FLRT1: variants seen among roughly 807,000 people sequenced by gnomAD.
The protein encoded by FLRT1 is fibronectin leucine rich transmembrane protein 1, also known as leucine-rich repeat transmembrane protein FLRT1.
A neutral mutation model predicts 30.9 loss-of-function variants in FLRT1; 14 were observed. The ratio of observed to expected loss-of-function variants is 0.45; its 90% CI spans 0.30 to 0.71. The LOEUF is 0.71. Among genes scored for constraint, FLRT1 ranks in the 30% least tolerant of loss-of-function variants. The pLI is 0.08. For missense variants in FLRT1, 737 were observed against 949.2 expected, an observed-to-expected ratio of 0.78 and a Z score of 2.94; for synonymous variants, 368 against 430.4, an observed-to-expected ratio of 0.85 and a Z score of 1.80.
chr11:64,090,938 G>A lies in FLRT1; in HGVS notation c.-1037-12256G>A, dbSNP rs1944478838. On this transcript the variant is annotated intron_variant, in intron 1 of 2. Coordinates refer to ENST00000682287, the MANE Select transcript of FLRT1 (RefSeq NM_013280.5). This position sits in a 1 kb window ranked among gnomAD's most constrained non-coding sequence, Gnocchi z 4.7. Reference sequence around the variant, plus strand: ...TCACAGTTTGGTCTGCCCTGTAGGGGGCACTGGCAGAATCTGCAGCACTGA... The same window carrying A: ...TCACAGTTTGGTCTGCCCTGTAGGGAGCACTGGCAGAATCTGCAGCACTGA... Among the ~76,000 whole-genome samples, 1 of 151,950 alleles carries A rather than the reference G, an allele frequency of 6.6e-6. No individual in the cohort carries two copies. Among genetic ancestry groups the A allele is most frequent in the African/African-American group, 2.4e-5 (1 of 41,332 alleles).
rs1410606909 is a variant in FLRT1, at chr11:64,096,101, C to T, written c.-1037-7093C>T. On this transcript the variant is annotated intron_variant, in intron 1 of 2. Transcript: ENST00000682287. This position sits in a 1 kb window ranked among gnomAD's most constrained non-coding sequence, Gnocchi z 4.6. ...TGGGGCCCACTTCACAGCCAGGCTGCCAGGAGACGCTGTGAGAGTGCCCAG... is the reference window on the plus strand; with the variant it reads ...TGGGGCCCACTTCACAGCCAGGCTGTCAGGAGACGCTGTGAGAGTGCCCAG... Among the ~76,000 whole-genome samples the T allele has an allele frequency of 1.3e-5, 2 of 152,244 alleles. No individual in the cohort carries two copies. Among genetic ancestry groups the T allele is most frequent in the Admixed American group, 6.5e-5 (1 of 15,288 alleles).
In FLRT1 at chr11:64,117,626, C is replaced by T; in HGVS notation, c.1359C>T (p.Ile453=). Residue 453 remains isoleucine (I), a synonymous_variant, in exon 3 of 3, where the codon ATC becomes ATT. Transcript: ENST00000682287. ...CCCTGACGGCAGACTCCATCCGCAT[C>T]ACGTGGAAGGCCACGCTCCCCGCCT... ...VKALTADSIR[I]TWKATLPASS... The T allele has an allele frequency of 6.2e-7, 1 of 1,613,812 alleles. No homozygotes were observed. The highest frequency in any genetic ancestry group is 8.5e-7 in the Non-Finnish European group (1 of 1,180,028).
intron 1 of FLRT1, among the ~76,000 whole-genome samples, chr11:64,098,905 C>T (rs973179174): frequency 6.6e-6 from 1 of 152,224 alleles, no homozygotes; most frequent in Non-Finnish European, 1.5e-5. Context: ...ACATAAAAAT[C>T]CATCCCAAAG....
At chr11:64,114,009 T>G (rs540418958) in intron 2 of FLRT1, among the ~76,000 whole-genome samples, 5 of 136,828 alleles carry the variant, frequency 3.7e-5, no homozygotes, top group African/African-American at 1.3e-4. Context: ...GACAGGTGGA[T>G]GCATGGATGG....
chr11:64,086,382 AC>A (rs1366897996), intron 1 of FLRT1, among the ~76,000 whole-genome samples: 1 of 151,566 alleles, frequency 6.6e-6, no homozygotes, highest in East Asian at 1.9e-4. Flanking sequence ...CCTTGTGACT[AC>A]CCCCGAGCTC....
intron 1 of FLRT1, among the ~76,000 whole-genome samples, chr11:64,094,531 G>T (rs563752657): frequency 0.014 from 2,151 of 152,294 alleles, 44 homozygotes; most frequent in Non-Finnish European, 0.016. Context: ...AGTTAGAAAT[G>T]AATGGCAGGC....
chr11:64,065,529 C>T (rs1324344143), intron 1 of FLRT1, among the ~76,000 whole-genome samples: 2 of 152,144 alleles, frequency 1.3e-5, no homozygotes, highest in Non-Finnish European at 2.9e-5. Flanking sequence ...GTGGCTCATG[C>T]CTGTAATCCC....
rs1229119212 is a variant in FLRT1, at chr11:64,090,790, T to C, written c.-1037-12404T>C. 6.6e-6 allele frequency among the ~76,000 whole-genome samples: 1 copy of C among 151,864 alleles called. No homozygotes were observed. The highest frequency in any genetic ancestry group is 1.5e-5 in the Non-Finnish European group (1 of 67,966). The stretch of plus-strand genomic sequence containing the variant: ...GTGGCGGCGTCTCTCCACCAGGCAC[T>C]TGGGGTTTGTCTCTGGGGCTCTGCA... On this transcript the variant is annotated intron_variant, in intron 1 of 2. Coordinates refer to ENST00000682287, the MANE Select transcript of FLRT1 (RefSeq NM_013280.5). This position sits in a 1 kb window ranked among gnomAD's most constrained non-coding sequence, Gnocchi z 4.7.
At chr11:64,070,593 G>A (rs1367841895) in intron 1 of FLRT1, among the ~76,000 whole-genome samples, 2 of 152,140 alleles carry the variant, frequency 1.3e-5, no homozygotes, top group Non-Finnish European at 2.9e-5. Flanking sequence ...CCTCTCCCCC[G>A]GAGGGGCCCC....
intron 1 of FLRT1, among the ~76,000 whole-genome samples, chr11:64,038,903 G>A (rs542341196): frequency 6.6e-6 from 1 of 152,294 alleles, no homozygotes; most frequent in South Asian, 2.1e-4. Context: ...GTAGGGTGGG[G>A]TAACAGCAGT....
chr11:64,113,823 CATGGATGG>C (rs138768566), intron 2 of FLRT1, among the ~76,000 whole-genome samples: 17 of 113,876 alleles, frequency 1.5e-4, no homozygotes, highest in African/African-American at 1.7e-4. Context: ...CAGGTGGACG[CATGGATGG>C]ATGGATGGAT....
chr11:64,061,021 A>G (rs1230560145), intron 1 of FLRT1, among the ~76,000 whole-genome samples: 2 of 151,876 alleles, frequency 1.3e-5, no homozygotes, highest in African/African-American at 4.8e-5. Flanking sequence ...GGCATCCTCA[A>G]CCGCGGCCTC....
chr11:64,114,157 T>TGGAC (rs1944922597), intron 2 of FLRT1, among the ~76,000 whole-genome samples: 1 of 147,294 alleles, frequency 6.8e-6, no homozygotes, highest in African/African-American at 2.5e-5. Flanking sequence ...AATGAACAAG[T>TGGAC]GGATGGATGC....
At position 64,117,978 on chromosome 11, in the gene FLRT1, G is replaced by A; in HGVS notation, c.1711G>A (p.Gly571Arg). 1 of 1,613,814 alleles carries A rather than the reference G, an allele frequency of 6.2e-7. No individual in the cohort carries two copies. Residue 571 changes from glycine (G) to arginine (R), a missense_variant, in exon 3 of 3, where the codon GGG (glycine) becomes AGG (arginine). By Grantham distance (125) the Gly-to-Arg change is moderately radical. Coordinates refer to ENST00000682287, the MANE Select transcript of FLRT1 (RefSeq NM_013280.5). ...VALVFLFLVL[G>R]AICWYVHQAG... is the part of the protein sequence containing the mutation. ...TCTGGTCTTCCTCTTCCTGGTCCTG[G>A]GGGCCATCTGCTGGTACGTGCACCA...
At chr11:64,078,443 A>C (rs1406586154) in intron 1 of FLRT1, among the ~76,000 whole-genome samples, 1 of 152,166 alleles carries the variant, frequency 6.6e-6, no homozygotes, top group Non-Finnish European at 1.5e-5. Flanking sequence ...GCCTCAATCC[A>C]ATTACGCCAG....
intron 1 of FLRT1, among the ~76,000 whole-genome samples, chr11:64,078,787 G>C (rs928848582): frequency 7.2e-5 from 11 of 152,210 alleles, no homozygotes; most frequent in Admixed American, 1.3e-4. Context: ...GTGACTGCAG[G>C]GGGGGAGGCC....
chr11:64,045,987 T>C (rs565912872), intron 1 of FLRT1, among the ~76,000 whole-genome samples: 1 of 152,212 alleles, frequency 6.6e-6, no homozygotes, highest in Non-Finnish European at 1.5e-5. Context: ...TGCAGTGTGC[T>C]AAACATGTCA....
intron 1 of FLRT1, among the ~76,000 whole-genome samples, chr11:64,080,537 T>C (rs767197204): frequency 2.6e-5 from 4 of 152,144 alleles, no homozygotes; most frequent in Admixed American, 6.6e-5. Context: ...AATAAGCACC[T>C]AAATCAAAGA....
intron 1 of FLRT1, among the ~76,000 whole-genome samples, chr11:64,056,939 C>T (rs914062625): frequency 1.3e-5 from 2 of 152,198 alleles, no homozygotes; most frequent in African/African-American, 2.4e-5. Context: ...AGGACAGCCC[C>T]TCCTTTGCTC....
Sources: allele counts gnomAD v4.1 joint callset (sites outside exome capture counted in the v4.1 genomes callset), GRCh38; gene constraint gnomAD v4.1.1; non-coding constraint Gnocchi (gnomAD v3.1); transcripts MANE v1.5; gene names NCBI Gene and HGNC (gene_info 2026-07-23, HGNC 2026-07-21).